Variants in ARVCF observed in about 807,000 individuals in gnomAD.
ARVCF encodes ARVCF delta catenin family member.
In ARVCF, 66 loss-of-function variants were observed where a neutral mutation model predicts 90.9. The observed-to-expected ratio is 0.73, with a 90% CI of 0.60 to 0.89. The LOEUF (loss-of-function observed/expected upper bound fraction) is 0.89, where lower values mean the gene tolerates loss of function less well. ARVCF is among the 40% of genes least tolerant of loss of function. The pLI is 0.00. For synonymous variants in ARVCF, 653 were observed against 603.4 expected, an observed-to-expected ratio of 1.08 and a Z score of -1.21; for missense variants, 1,469 against 1,382.3, an observed-to-expected ratio of 1.06 and a Z score of -1.00.
In ARVCF at chr22:19,973,334, G is replaced by T; in HGVS notation, c.2240-17C>A. On this transcript the variant is annotated splice_polypyrimidine_tract_variant and intron_variant, in intron 13 of 19. Coordinates refer to ENST00000263207, the MANE Select transcript of ARVCF (RefSeq NM_001670.3). ...CGTAGCTCCCTGAGGGGCAGGACTAGGTGTCAGAACACACCTCTGCCCCAC... is the reference window on the plus strand; with the variant it reads ...CGTAGCTCCCTGAGGGGCAGGACTATGTGTCAGAACACACCTCTGCCCCAC... 6.3e-7 allele frequency: 1 copy of T among 1,580,974 alleles called. No individual in the cohort carries two copies. The highest frequency in any genetic ancestry group is 8.6e-7 in the Non-Finnish European group (1 of 1,169,126).
intron 2 of ARVCF, among the ~76,000 whole-genome samples, chr22:20,003,328 A>G (rs565388478): frequency 6.6e-6 from 1 of 152,354 alleles, no homozygotes; most frequent in African/African-American, 2.4e-5. Context: ...CCCAAAAATA[A>G]AGAGGAAGGA....
At chr22:20,010,002 G>A (rs1944768287) in intron 2 of ARVCF, among the ~76,000 whole-genome samples, 1 of 152,330 alleles carries the variant, frequency 6.6e-6, no homozygotes, top group Non-Finnish European at 1.5e-5. Context: ...AAAGTTTTGT[G>A]TGCCTGGCCT....
intron 2 of ARVCF, among the ~76,000 whole-genome samples, chr22:19,999,998 G>A (rs1014094177): frequency 1.3e-5 from 2 of 152,198 alleles, no homozygotes; most frequent in African/African-American, 4.8e-5. Flanking sequence ...GCACTGAGAG[G>A]TGAGCCTCAG....
Position 19,974,137 on chromosome 22 carries a change from T to A in ARVCF, c.2063A>T (p.Gln688Leu), listed in dbSNP as rs1177826011. 6.2e-6 allele frequency: 10 copies of A among 1,612,332 alleles called. No homozygotes were observed. Among genetic ancestry groups the A allele is most frequent in the Non-Finnish European group, 6.8e-6 (8 of 1,179,634 alleles). Residue 688 changes from glutamine to leucine, a missense_variant, in exon 12 of 20, where the codon CAG becomes CTG. By Grantham distance (113) the Gln-to-Leu change is moderately radical. Coordinates refer to ENST00000263207, the MANE Select transcript of ARVCF (RefSeq NM_001670.3). ...NTLEAAAGAL[Q>L]NLSAGNWMWA... ...CATCCAGTTGCCGGCACTGAGGTTC[T>A]GCAGAGCGCCGGCGGCAGCCTCCAG...
intron 8 of ARVCF, 144 bp from the exon 9 acceptor site, chr22:19,977,730 A>G (rs1943241275): frequency 8.1e-7 from 1 of 1,234,010 alleles, no homozygotes; most frequent in Non-Finnish European, 1.1e-6. Flanking sequence ...AAAGGGCGGT[A>G]ACCGCCAGGA....
chr22:19,978,084 C>G lies in ARVCF; in HGVS notation c.1581-9G>C. 1 of 1,597,508 alleles carries G rather than the reference C, an allele frequency of 6.3e-7. No individual in the cohort carries two copies. Among genetic ancestry groups the G allele is most frequent in the Non-Finnish European group, 8.5e-7 (1 of 1,172,012 alleles). ...CATCGGAGCTCACATTCCTGTGTGG[C>G]CAAGAGCAGGCCAGGTGACCCCTGG... is the stretch of plus-strand genomic sequence containing the variant. On this transcript the variant is annotated splice_polypyrimidine_tract_variant and intron_variant, in intron 7 of 19. Transcript: ENST00000263207.
In ARVCF at chr22:19,975,807, G is replaced by T. The variant is rs777337637; in HGVS notation, c.1889-50C>A. ...TGAGGCAGACCCCATATGGGGAATG[G>T]GTGTATCAGGAGAGTTGGGCACAGT... is the stretch of plus-strand genomic sequence containing the variant. On this transcript the variant is annotated intron_variant, in intron 10 of 19. Coordinates refer to ENST00000263207, the MANE Select transcript of ARVCF (RefSeq NM_001670.3). The T allele has an allele frequency of 1.0e-5, 16 of 1,588,544 alleles. 1 individual carries two copies. The highest frequency in any genetic ancestry group is 1.0e-4 in the Admixed American group (6 of 59,762).
At chr22:20,008,127 T>C (rs550385155) in intron 2 of ARVCF, among the ~76,000 whole-genome samples, 11 of 151,246 alleles carry the variant, frequency 7.3e-5, no homozygotes, top group Admixed American at 2.6e-4. Context: ...GAAAGAGGAG[T>C]GAAGAATTAA....
In ARVCF at chr22:19,970,441, G is replaced by A. The variant is rs1238228823; in HGVS notation, c.*315C>T. 5.5e-6 allele frequency: 6 copies of A among 1,096,522 alleles called. No homozygotes were observed. Among genetic ancestry groups the A allele is most frequent in the Non-Finnish European group, 6.7e-6 (6 of 890,522 alleles). 67.9% of individuals were successfully genotyped at this position (1,096,522 alleles called of 1,614,324 possible). A position where few individuals can be genotyped will look rare whatever the true frequency, so the allele number is the denominator to read the frequency against. On this transcript the variant is annotated 3_prime_UTR_variant, in exon 20 of 20. Coordinates refer to ENST00000263207, the MANE Select transcript of ARVCF (RefSeq NM_001670.3). ...TCCCACCAGCCCCAAAGCCCAGCCA[G>A]GCACCCTTCCCTGCCACCTCCCTGG...
At position 19,979,775 on chromosome 22, in the gene ARVCF, G is replaced by T; in HGVS notation, c.1364C>A (p.Ala455Asp). The change falls in exon 6 of 20, where the codon GCC (alanine) becomes GAC (aspartate). Residue 455 changes from alanine (A) to aspartate (D), a missense_variant. Ala to Asp is a moderately radical substitution (Grantham distance 126). Coordinates refer to ENST00000263207, the MANE Select transcript of ARVCF (RefSeq NM_001670.3). ...AAGCTCACGGACCTCGTTGTCCCGG[G>T]CAGCCCTCAGCAGGCGCACCAGGGC... ...VPALVRLLRAARDNEVRELVT... is the reference protein window; with the variant it reads ...VPALVRLLRADRDNEVRELVT... 1 of 1,606,754 alleles carries T rather than the reference G, an allele frequency of 6.2e-7. No homozygotes were observed. The highest frequency in any genetic ancestry group is 8.5e-7 in the Non-Finnish European group (1 of 1,176,606).
intron 3 of ARVCF, chr22:19,987,022 C>G (rs1943810630): frequency 1.5e-6 from 1 of 650,044 alleles, no homozygotes; most frequent in Non-Finnish European, 2.8e-6. Flanking sequence ...ACGCCCCGCC[C>G]TCTGCCTCCG....
intron 2 of ARVCF, among the ~76,000 whole-genome samples, chr22:20,008,958 C>A (rs1944731509): frequency 6.6e-6 from 1 of 152,100 alleles, no homozygotes; most frequent in African/African-American, 2.4e-5. Flanking sequence ...AAGAAAGGAG[C>A]AAGCAACAGG....
chr22:19,990,472 G>T lies in ARVCF; in HGVS notation c.210+113C>A, dbSNP rs535165870. ...TCCCATTTTCCTTTCCTCCCCAGGA[G>T]CCCCAGCAAATCTTGCAATAAGCGA... On this transcript the variant is annotated intron_variant, in intron 3 of 19. Transcript: ENST00000263207. The T allele has an allele frequency of 2.1e-5, 28 of 1,310,614 alleles. No homozygotes were observed. In the South Asian group the frequency reaches 3.9e-4, roughly 18 times the overall value. 81.2% of individuals were successfully genotyped at this position (1,310,614 alleles called of 1,614,324 possible). A position where few individuals can be genotyped will look rare whatever the true frequency, so the allele number is the denominator to read the frequency against.
chr22:19,973,672 G>A lies in ARVCF; in HGVS notation c.2210C>T (p.Ser737Leu). The A allele has an allele frequency of 6.2e-7, 1 of 1,610,282 alleles. No individual in the cohort carries two copies. Among genetic ancestry groups the A allele is most frequent in the Non-Finnish European group, 8.5e-7 (1 of 1,179,526 alleles). The change falls in exon 13 of 20, where the codon TCG becomes TTG. Residue 737 changes from serine to leucine, a missense_variant. Ser to Leu is a moderately radical substitution (Grantham distance 145). Transcript: ENST00000263207. ...RAVAIALRNLSLDRRNKDLIG... is the reference protein window; with the variant it reads ...RAVAIALRNLLLDRRNKDLIG... ...GAGGTCTTTGTTGCGCCGGTCCAGC[G>A]AGAGGTTGCGCAGAGCGATGGCGAC...
chr22:20,010,963 C>T (rs75314165), intron 1 of ARVCF, among the ~76,000 whole-genome samples: 3,577 of 152,348 alleles, frequency 0.023, 67 homozygotes, highest in East Asian at 0.067. Flanking sequence ...TCCTGAGGTT[C>T]CCTGAGGCCA....
chr22:19,969,104 C>A (rs1942599049), downstream of ARVCF: 1 of 235,540 alleles, frequency 4.2e-6, no homozygotes, highest in African/African-American at 2.3e-5. Context: ...TCAAAGCTCC[C>A]CTTGACGGAC....
intron 18 of ARVCF, among the ~76,000 whole-genome samples, 197 bp downstream of exon 18, chr22:19,971,689 C>T (rs1175306734): frequency 6.6e-6 from 1 of 152,156 alleles, no homozygotes; most frequent in East Asian, 1.9e-4. Flanking sequence ...GCAGTGTTGT[C>T]CCCAGTGGGT....
intron 2 of ARVCF, among the ~76,000 whole-genome samples, chr22:19,997,275 T>C (rs955932524): frequency 1.3e-5 from 2 of 151,988 alleles, no homozygotes; most frequent in African/African-American, 4.8e-5. Context: ...ACGTGACAGG[T>C]GAGCAGGCAG....
chr22:19,968,616 C>G, downstream of ARVCF: 1 of 1,614,080 alleles, frequency 6.2e-7, no homozygotes, highest in Non-Finnish European at 8.5e-7. Flanking sequence ...TCCTAGCACA[C>G]GTGCGCGGGA....
Sources: gnomAD v4.1 joint callset for allele counts (sites outside exome capture counted in the v4.1 genomes callset) on GRCh38, gnomAD v4.1.1 for gene constraint, MANE v1.5 for transcripts, NCBI Gene and HGNC (gene_info 2026-07-23, HGNC 2026-07-21) for gene names.